The following PRKCD variants were observed in gnomAD, a reference collection of about 807,000 sequenced individuals.
PRKCD encodes protein kinase C delta type.
A neutral mutation model predicts 82.2 loss-of-function variants in PRKCD; 20 were observed. That is an observed-to-expected ratio of 0.24 (90% CI 0.17 to 0.35). The LOEUF (loss-of-function observed/expected upper bound fraction) is 0.35, where lower values mean the gene tolerates loss of function less well. PRKCD is among the 10% of genes least tolerant of loss of function. The pLI, the probability that PRKCD is intolerant of heterozygous loss-of-function variation, is 1.00. For missense variants in PRKCD, 607 were observed against 899.0 expected (o/e 0.68, Z 4.15); for synonymous variants, 317 against 337.0 (o/e 0.94, Z 0.65).
In PRKCD at chr3:53,192,276, A is replaced by G. The variant is rs782178061; in HGVS notation, c.*10A>G. 1 of 1,613,816 alleles carries G rather than the reference A, an allele frequency of 6.2e-7. No individual in the cohort carries two copies. Among genetic ancestry groups the G allele is most frequent in the Non-Finnish European group, 8.5e-7 (1 of 1,179,894 alleles). On this transcript the variant is annotated 3_prime_UTR_variant, in exon 19 of 19. Transcript: ENST00000330452. Reference sequence around the variant, plus strand: ...CCTCCTGGAAGATTGAGGTTCCTGGACAGATCAGGCTAGCCCTGCCCTCCA... The same window carrying G: ...CCTCCTGGAAGATTGAGGTTCCTGGGCAGATCAGGCTAGCCCTGCCCTCCA...
Position 53,181,608 on chromosome 3 carries a change from T to G in PRKCD, c.539+2T>G. 1 of 1,614,212 alleles carries G rather than the reference T, an allele frequency of 6.2e-7. No homozygotes were observed. Among genetic ancestry groups the G allele is most frequent in the Non-Finnish European group, 8.5e-7 (1 of 1,180,032 alleles). On this transcript the variant is annotated splice_donor_variant, in intron 6 of 18. Coordinates refer to ENST00000330452, the MANE Select transcript of PRKCD (RefSeq NM_006254.4). LOFTEE classifies it high-confidence loss of function. The stretch of plus-strand genomic sequence containing the variant: ...TTCTGTGTGCAAAGACTTTGTCTGG[T>G]GAGAACCGGCCATGCCCACTGGTGG...
chr3:53,170,971 CT>C (rs1703004401), intron 2 of PRKCD, among the ~76,000 whole-genome samples: 1 of 151,862 alleles, frequency 6.6e-6, no homozygotes. Context: ...ACGTGTGCCC[CT>C]GTGTCATCAC....
chr3:53,192,024 C>T lies in PRKCD; in HGVS notation c.1873-84C>T. 2.7e-6 allele frequency: 4 copies of T among 1,474,732 alleles called. No individual in the cohort carries two copies. The South Asian group carries it at 3.5e-5, about 13-fold the overall frequency. 91.4% of individuals were successfully genotyped at this position (1,474,732 alleles called of 1,614,324 possible). ...TGGGTGAGGACAGCTCTGGCCTGGCCCAGCCCTGCAGGGACTCCAGCCTGG... is the reference window on the plus strand; with the variant it reads ...TGGGTGAGGACAGCTCTGGCCTGGCTCAGCCCTGCAGGGACTCCAGCCTGG... On this transcript the variant is annotated intron_variant, in intron 18 of 18. Coordinates refer to ENST00000330452, the MANE Select transcript of PRKCD (RefSeq NM_006254.4).
Position 53,186,639 on chromosome 3 carries a change from G to T in PRKCD, c.1296G>T (p.Gly432=), listed in dbSNP as rs781784839. The change falls in exon 14 of 19, where the codon GGG becomes GGT. Residue 432 remains glycine (G), a synonymous_variant. Transcript: ENST00000330452. ...TCTTTGTGATGGAGTTCCTCAACGG[G>T]GGGGACCTGATGTACCACATCCAGG... ...HLFFVMEFLN[G]GDLMYHIQDK... The T allele has an allele frequency of 2.5e-6, 4 of 1,613,964 alleles. No homozygotes were observed. The highest frequency in any genetic ancestry group is 3.3e-4 in the Middle Eastern group (2 of 6,058).
intron 4 of PRKCD, among the ~76,000 whole-genome samples, chr3:53,180,378 G>A (rs181196203): frequency 2.0e-5 from 3 of 152,184 alleles, no homozygotes; most frequent in South Asian, 2.1e-4. Flanking sequence ...GGAGGCTGAC[G>A]GTCTCATCTA....
chr3:53,172,863 A>AGTAGAG (rs1703085077), intron 2 of PRKCD, among the ~76,000 whole-genome samples: 1 of 152,154 alleles, frequency 6.6e-6, no homozygotes, highest in Non-Finnish European at 1.5e-5. Context: ...TACTCCTCTG[A>AGTAGAG]CCAACAGGCA....
In PRKCD at chr3:53,169,452, C is replaced by A. The variant is rs1236602245; in HGVS notation, c.-20+4237C>A. ...CTGCCAAGGCACCCAGGAGGGCAGG[C>A]TTGTGGTGGCTGAGCCGCTGTTTTC... On this transcript the variant is annotated intron_variant, in intron 2 of 18. Coordinates refer to ENST00000330452, the MANE Select transcript of PRKCD (RefSeq NM_006254.4). The surrounding 1 kb of genome is among the most constrained non-coding windows in gnomAD (Gnocchi z 4.7). Among the ~76,000 whole-genome samples the A allele has an allele frequency of 2.6e-5, 4 of 152,150 alleles. No homozygotes were observed. The highest frequency in any genetic ancestry group is 9.7e-5 in the African/African-American group (4 of 41,424).
chr3:53,184,204 G>A lies in PRKCD; in HGVS notation c.787+623G>A, dbSNP rs543149674. 4.0e-5 allele frequency among the ~76,000 whole-genome samples: 6 copies of A among 151,614 alleles called. No homozygotes were observed. In the East Asian group the frequency reaches 7.8e-4, roughly 20 times the overall value. ...AAAAAAATTAGCCTGGCGTGGTGGC[G>A]GGCGCCTGTAGTCCCAGCTGCTCGG... On this transcript the variant is annotated intron_variant, in intron 9 of 18. Transcript: ENST00000330452.
chr3:53,170,560 G>T (rs1216253909), intron 2 of PRKCD, among the ~76,000 whole-genome samples: 1 of 152,232 alleles, frequency 6.6e-6, no homozygotes, highest in African/African-American at 2.4e-5. Flanking sequence ...TGCCTGACCA[G>T]CCCACTCCTT....
rs781785325 is a variant in PRKCD at position 53,188,795 on chromosome 3, G to T, written c.1491G>T (p.Glu497Asp). The T allele has an allele frequency of 1.2e-5, 20 of 1,614,202 alleles. No homozygotes were observed. The South Asian group carries it at 2.2e-4, about 18-fold the overall frequency. The change falls in exon 16 of 19, where the codon GAG becomes GAT. Residue 497 changes from glutamate (E) to aspartate (D), a missense_variant. Glu to Asp is a conservative substitution (Grantham distance 45). This residue lies in a region of PRKCD where 251 missense variants were observed against 423.9 expected (regional missense o/e 0.59). Transcript: ENST00000330452. ...TTGCCGACTTTGGGATGTGCAAAGAGAACATATTCGGGGAGAGCCGGGCCA... is the reference window on the plus strand; with the variant it reads ...TTGCCGACTTTGGGATGTGCAAAGATAACATATTCGGGGAGAGCCGGGCCA... ...IKIADFGMCKENIFGESRAST... is the reference protein window; with the variant it reads ...IKIADFGMCKDNIFGESRAST...
chr3:53,190,692 T>G (rs1417899338), intron 18 of PRKCD, among the ~76,000 whole-genome samples: 1 of 152,206 alleles, frequency 6.6e-6, no homozygotes, highest in Non-Finnish European at 1.5e-5. Flanking sequence ...GGCCCCTCTG[T>G]GACCACAGTT....
intron 2 of PRKCD, among the ~76,000 whole-genome samples, chr3:53,167,572 T>TA (rs1559615149): frequency 6.6e-6 from 1 of 152,228 alleles, no homozygotes; most frequent in East Asian, 1.9e-4. Flanking sequence ...GAGATAATGA[T>TA]AGCATCCATC....
In PRKCD at chr3:53,169,699, G is replaced by A. The variant is rs1214485163; in HGVS notation, c.-20+4484G>A. On this transcript the variant is annotated intron_variant, in intron 2 of 18. Coordinates refer to ENST00000330452, the MANE Select transcript of PRKCD (RefSeq NM_006254.4). The surrounding 1 kb of genome is among the most constrained non-coding windows in gnomAD (Gnocchi z 4.7). ...GTTGAGACAGGGAGGCTGGAGCCCC[G>A]GGAGGGGCAGTAGCTGGCCAGCCTC... Among the ~76,000 whole-genome samples, 2 of 152,176 alleles carry A rather than the reference G, an allele frequency of 1.3e-5. No individual in the cohort carries two copies. Among genetic ancestry groups the A allele is most frequent in the Admixed American group, 1.3e-4 (2 of 15,292 alleles).
At chr3:53,183,351 T>C in intron 8 of PRKCD, 101 bp from the exon 9 acceptor site, 1 of 1,581,090 alleles carries the variant, frequency 6.3e-7, no homozygotes, top group Non-Finnish European at 8.6e-7. Context: ...AGTGGAGCTC[T>C]CTTGGGATGT....
chr3:53,189,012 C>T, intron 16 of PRKCD, 46 bp from the exon 17 acceptor site: 2 of 1,582,664 alleles, frequency 1.3e-6, no homozygotes, highest in Non-Finnish European at 1.7e-6. Flanking sequence ...CCCTCTCAGC[C>T]TCAGCACCTC....
intron 1 of PRKCD, among the ~76,000 whole-genome samples, chr3:53,162,324 G>T (rs369831167): frequency 6.6e-6 from 1 of 152,012 alleles, no homozygotes; most frequent in African/African-American, 2.4e-5. Context: ...GAGCACCATC[G>T]GAACTGCTCC....
rs1480219424 is a variant in PRKCD at position 53,184,978 on chromosome 3, G to T, written c.888+4G>T. The T allele has an allele frequency of 6.2e-7, 1 of 1,613,608 alleles. No homozygotes were observed. Among genetic ancestry groups the T allele is most frequent in the African/African-American group, 1.3e-5 (1 of 74,914 alleles). ...GGCCTTGAACCAAGTCACCCAGGTG[G>T]GCAGGTGCCATGGGGACCCTGGACA... On this transcript the variant is annotated splice_donor_region_variant and intron_variant, in intron 10 of 18. Coordinates refer to ENST00000330452, the MANE Select transcript of PRKCD (RefSeq NM_006254.4).
chr3:53,164,175 A>G (rs1167940907), intron 1 of PRKCD, among the ~76,000 whole-genome samples: 2 of 152,084 alleles, frequency 1.3e-5, no homozygotes, highest in African/African-American at 4.8e-5. Context: ...GTACCTTGCT[A>G]CCTTTGCCAT....
At chr3:53,174,173 C>A (rs115982201) in intron 2 of PRKCD, among the ~76,000 whole-genome samples, 49 of 152,362 alleles carry the variant, frequency 3.2e-4, no homozygotes, top group Non-Finnish European at 6.6e-4. Flanking sequence ...AGGTAATCTG[C>A]GACATTGTCG....
Sources: gnomAD v4.1 joint callset for allele counts (sites outside exome capture counted in the v4.1 genomes callset) on GRCh38, gnomAD v4.1.1 for gene constraint, gnomAD v4.1.1 regional missense constraint, Gnocchi (gnomAD v3.1) non-coding constraint, MANE v1.5 for transcripts, NCBI Gene and HGNC (gene_info 2026-07-23, HGNC 2026-07-21) for gene names.